The following NEGR1 variants were observed in gnomAD, a reference collection of about 807,000 sequenced individuals.
The protein encoded by NEGR1 is IgLON family member 4.
In NEGR1, 10 loss-of-function variants were observed where a neutral mutation model predicts 40.9. The observed-to-expected ratio is 0.24, with a 90% CI of 0.15 to 0.42. NEGR1 has a LOEUF of 0.42. Ranked by LOEUF, NEGR1 falls within the 10% of genes least tolerant of loss-of-function variation. The pLI is 1.00. For missense variants in NEGR1, 352 were observed against 438.9 expected (o/e 0.80, Z 1.77); for synonymous variants, 185 against 166.8 (o/e 1.11, Z -0.84).
At chr1:71,540,103 A>C (rs1013624904) in intron 6 of NEGR1, among the ~76,000 whole-genome samples, 7 of 150,920 alleles carry the variant, frequency 4.6e-5, no homozygotes, top group South Asian at 2.1e-4. Context: ...TTCATACAGC[A>C]CTCTGAGGCT....
chr1:72,035,097 G>C (rs753655378), intron 1 of NEGR1, among the ~76,000 whole-genome samples: 2 of 151,940 alleles, frequency 1.3e-5, no homozygotes, highest in East Asian at 1.9e-4. Context: ...GTCTTTTCTC[G>C]GCTATATAAA....
intron 1 of NEGR1, among the ~76,000 whole-genome samples, chr1:72,235,055 A>G (rs182631511): frequency 2.9e-4 from 44 of 152,312 alleles, no homozygotes; most frequent in Admixed American, 8.5e-4. Flanking sequence ...AATATGTTAT[A>G]TATACACCAT....
chr1:71,915,516 A>G (rs1351467253), intron 2 of NEGR1, among the ~76,000 whole-genome samples: 2 of 152,128 alleles, frequency 1.3e-5, no homozygotes, highest in African/African-American at 2.4e-5. Flanking sequence ...AGTGTCATTC[A>G]TTGTACTGAC....
At chr1:72,189,859 G>T (rs945491286) in intron 1 of NEGR1, among the ~76,000 whole-genome samples, 1 of 151,522 alleles carries the variant, frequency 6.6e-6, no homozygotes, top group East Asian at 1.9e-4. Context: ...GATGATAAAA[G>T]AAATAGAAGA....
chr1:72,150,980 T>G (rs1651104282), intron 1 of NEGR1, among the ~76,000 whole-genome samples: 2 of 151,664 alleles, frequency 1.3e-5, no homozygotes, highest in South Asian at 4.1e-4. Flanking sequence ...GCAATTGTTA[T>G]TAAAAAATAA....
chr1:72,158,085 A>G (rs1399349662), intron 1 of NEGR1, among the ~76,000 whole-genome samples: 1 of 152,118 alleles, frequency 6.6e-6, no homozygotes, highest in African/African-American at 2.4e-5. Context: ...TTAGCCATGG[A>G]AGGGATCAGT....
chr1:71,783,124 C>G (rs1216797728), intron 2 of NEGR1, among the ~76,000 whole-genome samples: 1 of 151,868 alleles, frequency 6.6e-6, no homozygotes, highest in African/African-American at 2.4e-5. Flanking sequence ...TTTGGATGAA[C>G]TATATTTCTG....
chr1:71,644,639 C>A (rs533977817), intron 4 of NEGR1, among the ~76,000 whole-genome samples: 1 of 152,046 alleles, frequency 6.6e-6, no homozygotes, highest in East Asian at 1.9e-4. Flanking sequence ...CTTGAGAATG[C>A]AACTTAAATA....
intron 1 of NEGR1, among the ~76,000 whole-genome samples, chr1:72,179,377 C>T (rs1275733595): frequency 6.6e-6 from 1 of 151,804 alleles, no homozygotes; most frequent in Non-Finnish European, 1.5e-5. Flanking sequence ...TGGTTTTGTT[C>T]CAATACCATG....
intron 2 of NEGR1, among the ~76,000 whole-genome samples, chr1:71,848,335 T>C (rs1221145318): frequency 6.6e-6 from 1 of 152,172 alleles, no homozygotes; most frequent in South Asian, 2.1e-4. Flanking sequence ...CAGCCTTATA[T>C]TGGAAGATGT....
chr1:71,767,615 G>C (rs1363201460), intron 3 of NEGR1, among the ~76,000 whole-genome samples: 1 of 152,192 alleles, frequency 6.6e-6, no homozygotes, highest in Non-Finnish European at 1.5e-5. Context: ...AGGTAGAAAA[G>C]TAAAGCCCAT....
At chr1:71,984,602 C>T (rs1646379733) in intron 1 of NEGR1, among the ~76,000 whole-genome samples, 1 of 152,142 alleles carries the variant, frequency 6.6e-6, no homozygotes, top group South Asian at 2.1e-4. Flanking sequence ...TAATCTCACT[C>T]TCATTGAATC....
chr1:71,946,221 A>G (rs970447891), intron 1 of NEGR1, among the ~76,000 whole-genome samples: 3 of 152,078 alleles, frequency 2.0e-5, no homozygotes, highest in African/African-American at 2.4e-5. Flanking sequence ...GGTGCATGCC[A>G]CCATGCCTGG....
chr1:71,918,728 T>C (rs1661675563), intron 2 of NEGR1, among the ~76,000 whole-genome samples: 1 of 152,076 alleles, frequency 6.6e-6, no homozygotes, highest in South Asian at 2.1e-4. Flanking sequence ...AAATGAGTTT[T>C]CTTCTTTGTG....
chr1:71,774,686 C>CAA (rs5775089), intron 3 of NEGR1, among the ~76,000 whole-genome samples: 78 of 151,404 alleles, frequency 5.2e-4, no homozygotes, highest in Non-Finnish European at 1.5e-4. Flanking sequence ...GGTATTTTCA[C>CAA]AAAAAAAAAA....
In NEGR1 at chr1:72,188,758, G is replaced by C. The variant is rs559742572; in HGVS notation, c.176+93561C>G. Among the ~76,000 whole-genome samples, 161 of 151,498 alleles carry C rather than the reference G, an allele frequency of 1.1e-3. 1 individual carries two copies. The highest frequency in any genetic ancestry group is 3.6e-3 in the African/African-American group (149 of 41,464). On this transcript the variant is annotated intron_variant, in intron 1 of 6. Coordinates refer to ENST00000357731, the MANE Select transcript of NEGR1 (RefSeq NM_173808.3). ...AATTTAGATTTAAAAACAATTCCCT[G>C]AGTTCTACACTACTACTGTTCTAAT... is the stretch of plus-strand genomic sequence containing the variant.
chr1:72,240,285 G>A (rs1447776281), intron 1 of NEGR1, among the ~76,000 whole-genome samples: 2 of 151,820 alleles, frequency 1.3e-5, no homozygotes, highest in African/African-American at 4.8e-5. Flanking sequence ...GCAATGAAAA[G>A]AAAGTATCTA....
At position 71,491,285 on chromosome 1, in the gene NEGR1, C is replaced by T. The variant is rs143225698; in HGVS notation, c.941-83715G>A. Among the ~76,000 whole-genome samples the T allele has an allele frequency of 3.8e-3, 581 of 152,056 alleles. 5 individuals carry two copies. The highest frequency in any genetic ancestry group is 0.014 in the African/African-American group (564 of 41,492). On this transcript the variant is annotated intron_variant, in intron 6 of 6. Coordinates refer to ENST00000357731, the MANE Select transcript of NEGR1 (RefSeq NM_173808.3). Reference sequence around the variant, plus strand: ...GCACAGGTTATATGGAAATACTATACCACTTTACATCAGGGACTTGAGCAT... The same window carrying T: ...GCACAGGTTATATGGAAATACTATATCACTTTACATCAGGGACTTGAGCAT...
chr1:71,922,072 G>A (rs950261882), intron 2 of NEGR1, among the ~76,000 whole-genome samples: 2 of 152,148 alleles, frequency 1.3e-5, no homozygotes, highest in East Asian at 3.9e-4. Flanking sequence ...TTGTAAGCAG[G>A]TCTCACTGCC....
Sources: gnomAD v4.1 joint callset for allele counts (sites outside exome capture counted in the v4.1 genomes callset) on GRCh38, gnomAD v4.1.1 for gene constraint, MANE v1.5 for transcripts, NCBI Gene and HGNC (gene_info 2026-07-23, HGNC 2026-07-21) for gene names.